SHISAL1: variants seen among roughly 807,000 people sequenced by gnomAD.
SHISAL1 encodes shisa like 1, also known as protein shisa-like-1.
SHISAL1 carries 9 observed loss-of-function variants against 22.6 expected under a neutral mutation model. The observed-to-expected ratio is 0.40, with a 90% CI of 0.24 to 0.70. The LOEUF (loss-of-function observed/expected upper bound fraction) is 0.70, where lower values mean the gene tolerates loss of function less well. Among genes scored for constraint, SHISAL1 ranks in the 30% least tolerant of loss-of-function variants. The probability of loss-of-function intolerance (pLI) is 0.39; values close to 1 mark genes in which losing one functional copy is unlikely to be tolerated. For synonymous variants in SHISAL1, 119 were observed against 115.4 expected, an observed-to-expected ratio of 1.03 and a Z score of -0.20; for missense variants, 246 against 270.6, an observed-to-expected ratio of 0.91 and a Z score of 0.64.
In SHISAL1 at chr22:44,248,720, C is replaced by T. The variant is rs1414737070; in HGVS notation, c.*965G>A. The T allele has an allele frequency of 6.6e-6, 1 of 152,214 alleles. No homozygotes were observed. The highest frequency in any genetic ancestry group is 6.5e-5 in the Admixed American group (1 of 15,282). 9.4% of individuals were successfully genotyped at this position (152,214 alleles called of 1,614,324 possible). ...ACAGCAGATGCTTAGCCAGAATGTG[C>T]TGAGTGGATCAGCGCTCCAGGCGGT... On this transcript the variant is annotated 3_prime_UTR_variant, in exon 5 of 5. Transcript: ENST00000381176.
upstream of SHISAL1, among the ~76,000 whole-genome samples, chr22:44,315,724 C>T (rs559624759): frequency 1.4e-4 from 22 of 152,300 alleles, no homozygotes; most frequent in African/African-American, 5.3e-4. Context: ...CTCGAGGAGG[C>T]TTGGTTTCTT....
At chr22:44,265,392 C>A (rs1375726587) in intron 4 of SHISAL1, among the ~76,000 whole-genome samples, 1 of 152,132 alleles carries the variant, frequency 6.6e-6, no homozygotes, top group African/African-American at 2.4e-5. Flanking sequence ...GAGAGGCCCA[C>A]CTGGTGAGCA....
chr22:44,287,471 G>A (rs1265863633), intron 3 of SHISAL1, among the ~76,000 whole-genome samples: 1 of 152,200 alleles, frequency 6.6e-6, no homozygotes, highest in Admixed American at 6.5e-5. Flanking sequence ...CCCATGAGCA[G>A]CTGTAGGCCA....
rs2294540 is a variant in SHISAL1, at chr22:44,244,586, G to A, written c.*5099C>T. On this transcript the variant is annotated 3_prime_UTR_variant, in exon 5 of 5. Coordinates refer to ENST00000381176, the MANE Select transcript of SHISAL1 (RefSeq NM_001099294.2). ...CTTGGACTAGAAACTGGGGTGGTGGGGGGCAATGACACCTCCAAGGTCACT... is the reference window on the plus strand; with the variant it reads ...CTTGGACTAGAAACTGGGGTGGTGGAGGGCAATGACACCTCCAAGGTCACT... The A allele has an allele frequency of 0.076, 11,637 of 152,218 alleles. 457 individuals carry two copies. The highest frequency in any genetic ancestry group is 0.092 in the East Asian group (474 of 5,172). The allele number at this position is 152,218 out of a possible 1,614,324, so 9.4% of individuals were successfully genotyped here. A position where few individuals can be genotyped will look rare whatever the true frequency, so the allele number is the denominator to read the frequency against.
chr22:44,309,310 G>A (rs1354240834), intron 1 of SHISAL1, among the ~76,000 whole-genome samples: 2 of 152,292 alleles, frequency 1.3e-5, no homozygotes, highest in African/African-American at 2.4e-5. Context: ...ATGTGGGCAC[G>A]ATGATTAGCA....
rs1394004722 is a variant in SHISAL1 at position 44,246,273 on chromosome 22, C to G, written c.*3412G>C. 1 of 152,186 alleles carries G rather than the reference C, an allele frequency of 6.6e-6. No homozygotes were observed. The highest frequency in any genetic ancestry group is 1.9e-4 in the East Asian group (1 of 5,202). 9.4% of individuals were successfully genotyped at this position (152,186 alleles called of 1,614,324 possible). ...ACTGCTCATTAATTACACACAGTTC[C>G]CAGTGGGAAACAGTCCTTACAAACG... On this transcript the variant is annotated 3_prime_UTR_variant, in exon 5 of 5. Transcript: ENST00000381176.
intron 4 of SHISAL1, among the ~76,000 whole-genome samples, chr22:44,259,083 T>A (rs135439): frequency 0.15 from 22,160 of 152,132 alleles, 1,634 homozygotes; most frequent in Non-Finnish European, 0.16. Flanking sequence ...AAAAGGGAAG[T>A]GCATCCTCAC....
rs980465884 is a variant in SHISAL1 at position 44,307,027 on chromosome 22, T to C, written c.-33+5724A>G. The stretch of plus-strand genomic sequence containing the variant: ...GAGGGGACCTGGGATCTGGGAGCTC[T>C]GATAATGATGGCGTGTTACACCACT... On this transcript the variant is annotated intron_variant, in intron 1 of 4. Coordinates refer to ENST00000381176, the MANE Select transcript of SHISAL1 (RefSeq NM_001099294.2). 2.3e-4 allele frequency among the ~76,000 whole-genome samples: 35 copies of C among 152,312 alleles called. 1 individual carries two copies. The highest frequency in any genetic ancestry group is 7.7e-4 in the African/African-American group (32 of 41,566).
In SHISAL1 at chr22:44,312,841, C is replaced by A. The variant is rs990663432; in HGVS notation, c.-123G>T. On this transcript the variant is annotated 5_prime_UTR_variant, in exon 1 of 5. Coordinates refer to ENST00000381176, the MANE Select transcript of SHISAL1 (RefSeq NM_001099294.2). ...TGGCCTCTTCCCCGGCTCCTGGTTG[C>A]CACCAACCTTAAACCCCAATAAAAG... 2 of 152,318 alleles carry A rather than the reference C, an allele frequency of 1.3e-5. No individual in the cohort carries two copies. The highest frequency in any genetic ancestry group is 2.9e-5 in the Non-Finnish European group (2 of 68,094). 9.4% of individuals were successfully genotyped at this position (152,318 alleles called of 1,614,324 possible).
At chr22:44,267,518 G>C (rs2055172753) in intron 4 of SHISAL1, among the ~76,000 whole-genome samples, 1 of 152,016 alleles carries the variant, frequency 6.6e-6, no homozygotes, top group Admixed American at 6.5e-5. Context: ...CAGCTCGTGG[G>C]AGAGCGGCAG....
At chr22:44,266,829 CA>C (rs751477359) in intron 4 of SHISAL1, among the ~76,000 whole-genome samples, 8 of 152,100 alleles carry the variant, frequency 5.3e-5, no homozygotes, top group Non-Finnish European at 1.2e-4. Flanking sequence ...CAGGAAAAAC[CA>C]AAATGAAGAT....
chr22:44,288,715 T>C (rs1446293947), intron 3 of SHISAL1, among the ~76,000 whole-genome samples: 1 of 152,236 alleles, frequency 6.6e-6, no homozygotes, highest in African/African-American at 2.4e-5. Context: ...CCTTTGTCCA[T>C]GCTGCACCTC....
intron 4 of SHISAL1, among the ~76,000 whole-genome samples, chr22:44,283,353 C>T (rs942955900): frequency 1.6e-4 from 24 of 152,354 alleles, no homozygotes; most frequent in African/African-American, 5.3e-4. Context: ...ACTCAGGCTC[C>T]GTGCACAATC....
chr22:44,328,705 C>G, the SHISAL1 span, among the ~76,000 whole-genome samples: 7 of 152,152 alleles, frequency 4.6e-5, no homozygotes, highest in African/African-American at 1.7e-4. Context: ...ACTGCCTCTC[C>G]CTGTGCCCAC....
At chr22:44,275,758 G>T (rs1212069604) in intron 4 of SHISAL1, among the ~76,000 whole-genome samples, 2 of 152,170 alleles carry the variant, frequency 1.3e-5, no homozygotes, top group Non-Finnish European at 2.9e-5. Flanking sequence ...CATAAAATGA[G>T]GCTCGGGATG....
chr22:44,325,040 C>A, the SHISAL1 span, among the ~76,000 whole-genome samples: 4 of 152,104 alleles, frequency 2.6e-5, no homozygotes, highest in Non-Finnish European at 5.9e-5. Flanking sequence ...GTCAGGAGTT[C>A]AAGATCAGCC....
chr22:44,304,550 G>A (rs529615758), intron 1 of SHISAL1, among the ~76,000 whole-genome samples: 1 of 152,254 alleles, frequency 6.6e-6, no homozygotes, highest in Admixed American at 6.5e-5. Flanking sequence ...CCACCCGCAG[G>A]CCTCTCTGCT....
chr22:44,291,534 G>A (rs756170441), intron 3 of SHISAL1, among the ~76,000 whole-genome samples: 10 of 152,146 alleles, frequency 6.6e-5, no homozygotes, highest in Non-Finnish European at 1.3e-4. Flanking sequence ...CCTCATAAGT[G>A]TTCATTCACT....
upstream of SHISAL1, among the ~76,000 whole-genome samples, chr22:44,317,905 G>A (rs780608671): frequency 1.3e-5 from 2 of 152,260 alleles, no homozygotes; most frequent in East Asian, 1.9e-4. Context: ...CAACAGGATG[G>A]CTAATGAACA....
Sources: allele counts gnomAD v4.1 joint callset (sites outside exome capture counted in the v4.1 genomes callset), GRCh38; gene constraint gnomAD v4.1.1; transcripts MANE v1.5; gene names NCBI Gene and HGNC (gene_info 2026-07-23, HGNC 2026-07-21).